Variants in CCDC170 observed in about 807,000 individuals in gnomAD.
CCDC170 encodes coiled-coil domain-containing protein 170.
CCDC170 carries 69 observed loss-of-function variants against 72.6 expected under a neutral mutation model. The ratio of observed to expected loss-of-function variants is 0.95; its 90% CI spans 0.78 to 1.16. CCDC170 has a LOEUF of 1.16. Ranked by LOEUF, CCDC170 falls within the 50% of genes most tolerant of loss-of-function variation. The pLI, the probability that CCDC170 is intolerant of heterozygous loss-of-function variation, is 0.00. For synonymous variants in CCDC170, 300 were observed against 303.9 expected (o/e 0.99, Z 0.13); for missense variants, 852 against 832.5 (o/e 1.02, Z -0.29).
At chr6:151,541,877 TATATA>T (rs1210382722) in intron 3 of CCDC170, among the ~76,000 whole-genome samples, 16 of 63,090 alleles carry the variant, frequency 2.5e-4, no homozygotes, top group African/African-American at 5.9e-4. Flanking sequence ...TATATATATA[TATATA>T]TATATTTTTT....
intron 3 of CCDC170, among the ~76,000 whole-genome samples, chr6:151,543,831 G>A (rs992443029): frequency 6.6e-4 from 101 of 152,256 alleles, no homozygotes; most frequent in Admixed American, 3.7e-3. Flanking sequence ...GTAGTATTCC[G>A]ATGTGTATAT....
intron 1 of CCDC170, among the ~76,000 whole-genome samples, chr6:151,524,738 A>C (rs552869168): frequency 6.6e-6 from 1 of 152,230 alleles, no homozygotes; most frequent in South Asian, 2.1e-4. Context: ...CAGACCATTA[A>C]AAATACTTTT....
rs755077457 is a variant in CCDC170 at position 151,538,150 on chromosome 6, C to T, written c.292C>T (p.Leu98Phe). 19 of 1,613,858 alleles carry T rather than the reference C, an allele frequency of 1.2e-5. No homozygotes were observed. Among genetic ancestry groups the T allele is most frequent in the Admixed American group, 3.3e-5 (2 of 59,986 alleles). The change falls in exon 3 of 11, where the codon CTT (leucine) becomes TTT (phenylalanine). Residue 98 changes from leucine to phenylalanine, a missense_variant. By Grantham distance (22) the Leu-to-Phe change is conservative (BLOSUM62 0). Transcript: ENST00000239374. ...AAACAATGCCAGAAAATCATCTCTC[C>T]TTACCTCTTTGAGAGACAGAGTTCA... ...KENNARKSSL[L>F]TSLRDRVQEL... is the part of the protein sequence containing the mutation.
rs1175019780 is a variant in CCDC170, at chr6:151,620,648, G to T, written c.*2501G>T. 3 of 152,008 alleles carry T rather than the reference G, an allele frequency of 2.0e-5. No homozygotes were observed. Among genetic ancestry groups the T allele is most frequent in the African/African-American group, 7.3e-5 (3 of 41,356 alleles). The allele number at this position is 152,008 out of a possible 1,614,324, so 9.4% of individuals were successfully genotyped here. A position where few individuals can be genotyped will look rare whatever the true frequency, so the allele number is the denominator to read the frequency against. On this transcript the variant is annotated 3_prime_UTR_variant, in exon 11 of 11. Transcript: ENST00000239374. ...TCATGCACCCATAAATGCAGTTATGGGTGGATGTGGGTGTATGAGAGTGGA... is the reference window on the plus strand; with the variant it reads ...TCATGCACCCATAAATGCAGTTATGTGTGGATGTGGGTGTATGAGAGTGGA...
At chr6:151,517,520 C>T (rs989944779) in intron 1 of CCDC170, among the ~76,000 whole-genome samples, 1 of 151,210 alleles carries the variant, frequency 6.6e-6, no homozygotes, top group African/African-American at 2.4e-5. Flanking sequence ...GCAGCCTCTG[C>T]CTCCTGGGTT....
intron 1 of CCDC170, among the ~76,000 whole-genome samples, chr6:151,520,056 A>G (rs1299710519): frequency 6.6e-6 from 1 of 152,144 alleles, no homozygotes; most frequent in African/African-American, 2.4e-5. Context: ...TCTCAGCCTC[A>G]TTTTACCCAG....
At chr6:151,517,760 A>T (rs1782258118) in intron 1 of CCDC170, among the ~76,000 whole-genome samples, 1 of 151,090 alleles carries the variant, frequency 6.6e-6, no homozygotes, top group Non-Finnish European at 1.5e-5. Context: ...TTTCTTCTTA[A>T]CTCCTGTATC....
rs1776847844 is a variant in CCDC170 at position 151,610,169 on chromosome 6, TG to T, written c.1711-5273del. 3.3e-5 allele frequency among the ~76,000 whole-genome samples: 5 copies of T among 152,228 alleles called. No individual in the cohort carries two copies. In the South Asian group the frequency reaches 1.0e-3, roughly 32 times the overall value. On this transcript the variant is annotated intron_variant, in intron 9 of 10. Transcript: ENST00000239374. ...AGGGAGATCACTTTGTTTTAAACAT[TG>T]ATATTTACTTAATCAATGTAATGTC...
intron 6 of CCDC170, among the ~76,000 whole-genome samples, chr6:151,585,601 T>C (rs1448473491): frequency 6.6e-6 from 1 of 152,220 alleles, no homozygotes; most frequent in Non-Finnish European, 1.5e-5. Context: ...CTCTTAGCAA[T>C]AGTTTTGGGG....
chr6:151,604,042 G>A (rs934483631), intron 9 of CCDC170, among the ~76,000 whole-genome samples: 2 of 152,282 alleles, frequency 1.3e-5, no homozygotes, highest in Non-Finnish European at 2.9e-5. Flanking sequence ...AGCTATGGCC[G>A]AAGATCAGCA....
At chr6:151,550,226 A>G (rs1450719763) in intron 5 of CCDC170, among the ~76,000 whole-genome samples, 2 of 152,240 alleles carry the variant, frequency 1.3e-5, no homozygotes, top group Non-Finnish European at 2.9e-5. Context: ...CAATCAGTTA[A>G]TAAAAGTACA....
At chr6:151,567,875 G>A (rs1356202063) in intron 5 of CCDC170, among the ~76,000 whole-genome samples, 1 of 151,904 alleles carries the variant, frequency 6.6e-6, no homozygotes, top group African/African-American at 2.4e-5. Flanking sequence ...TTGGGAGGCC[G>A]AGGCAGGCAG....
chr6:151,556,249 A>G (rs1782972049), intron 5 of CCDC170, among the ~76,000 whole-genome samples: 1 of 152,252 alleles, frequency 6.6e-6, no homozygotes, highest in Non-Finnish European at 1.5e-5. Context: ...TGAGGGCAGA[A>G]GTTCAAGACC....
chr6:151,507,648 C>A (rs573670049), intron 1 of CCDC170, among the ~76,000 whole-genome samples: 53 of 152,138 alleles, frequency 3.5e-4, no homozygotes, highest in South Asian at 1.9e-3. Flanking sequence ...ATTGGCCAGG[C>A]GCAGTGGCTC....
chr6:151,499,542 T>C (rs1328746912), intron 1 of CCDC170, among the ~76,000 whole-genome samples: 1 of 123,724 alleles, frequency 8.1e-6, no homozygotes, highest in Non-Finnish European at 1.6e-5. Context: ...CTAGGCATGC[T>C]GTATAAGTGG....
In CCDC170 at chr6:151,618,032, G is replaced by A. The variant is rs1471803652; in HGVS notation, c.2033G>A (p.Cys678Tyr). 6.2e-7 allele frequency: 1 copy of A among 1,614,134 alleles called. No individual in the cohort carries two copies. The highest frequency in any genetic ancestry group is 1.3e-5 in the African/African-American group (1 of 75,042). The change falls in exon 11 of 11, where the codon TGT (cysteine) becomes TAT (tyrosine). Residue 678 changes from cysteine to tyrosine, a missense_variant. Coordinates refer to ENST00000239374, the MANE Select transcript of CCDC170 (RefSeq NM_025059.4). ...CTTCCTGATTATGAAATCATCAAGT[G>A]TCTTGAAAGATTGGTCCATTCACAT... ...LALPDYEIIK[C>Y]LERLVHSHQH...
At chr6:151,595,081 T>G (rs944211183) in intron 8 of CCDC170, among the ~76,000 whole-genome samples, 1 of 152,196 alleles carries the variant, frequency 6.6e-6, no homozygotes, top group African/African-American at 2.4e-5. Flanking sequence ...CAAAGCAGCA[T>G]TTCAGTAAGT....
At chr6:151,610,133 CTT>C (rs1332274178) in intron 9 of CCDC170, among the ~76,000 whole-genome samples, 1 of 152,148 alleles carries the variant, frequency 6.6e-6, no homozygotes, top group Non-Finnish European at 1.5e-5. Context: ...AAAGGAATCT[CTT>C]TGTTTTAAAG....
intron 10 of CCDC170, 104 bp from the exon 11 acceptor site, chr6:151,617,843 T>G (rs762788099): frequency 6.9e-5 from 75 of 1,079,526 alleles, no homozygotes; most frequent in Non-Finnish European, 5.9e-5. Context: ...CCCTACCTCA[T>G]GCAAACCTGG....
Sources: allele counts gnomAD v4.1 joint callset (sites outside exome capture counted in the v4.1 genomes callset), GRCh38; gene constraint gnomAD v4.1.1; transcripts MANE v1.5; gene names NCBI Gene and HGNC (gene_info 2026-07-23, HGNC 2026-07-21).